The following RCSD1 variants were observed in gnomAD, a reference collection of about 807,000 sequenced individuals.
RCSD1 encodes capZ-interacting protein.
In RCSD1, 26 loss-of-function variants were observed where a neutral mutation model predicts 42.5. The ratio of observed to expected loss-of-function variants is 0.61; its 90% CI spans 0.45 to 0.85. RCSD1 has a LOEUF of 0.85. Among genes scored for constraint, RCSD1 ranks in the 40% least tolerant of loss-of-function variants. The probability of loss-of-function intolerance (pLI) is 0.00; values close to 1 mark genes in which losing one functional copy is unlikely to be tolerated. For synonymous variants in RCSD1, 220 were observed against 212.2 expected (o/e 1.04, Z -0.32); for missense variants, 571 against 528.3 (o/e 1.08, Z -0.79).
intron 1 of RCSD1, among the ~76,000 whole-genome samples, chr1:167,644,768 G>A (rs199826971): frequency 6.6e-6 from 1 of 152,160 alleles, no homozygotes; most frequent in Non-Finnish European, 1.5e-5. Flanking sequence ...GGTGGGATTC[G>A]GAGACTGCTA....
intron 6 of RCSD1, among the ~76,000 whole-genome samples, chr1:167,700,711 T>C (rs1659617414): frequency 6.6e-6 from 1 of 152,032 alleles, no homozygotes; most frequent in East Asian, 1.9e-4. Context: ...AAGCAATCTT[T>C]ACATTTAGGA....
intron 1 of RCSD1, 109 bp from the exon 2 acceptor site, chr1:167,683,791 A>T: frequency 9.6e-7 from 1 of 1,042,236 alleles, no homozygotes; most frequent in Non-Finnish European, 1.4e-6. Context: ...TAATGCTGTT[A>T]AAATACCTCA....
Position 167,694,206 on chromosome 1 carries a change from C to G in RCSD1, c.378C>G (p.Ser126Arg). Residue 126 changes from serine to arginine, a missense_variant, in exon 5 of 7, where the codon AGC (serine) becomes AGG (arginine). Transcript: ENST00000367854. ...TTCACAGCCCACCTTCTACCCCCAG[C>G]AGCCCTGGTGTGCGATCTAGGCCCA... is the stretch of plus-strand genomic sequence containing the variant. The part of the protein sequence containing the change: ...SPFHSPPSTP[S>R]SPGVRSRPSE... The G allele has an allele frequency of 6.2e-7, 1 of 1,614,248 alleles. No homozygotes were observed. Among genetic ancestry groups the G allele is most frequent in the Admixed American group, 1.7e-5 (1 of 60,038 alleles).
intron 6 of RCSD1, among the ~76,000 whole-genome samples, chr1:167,702,677 G>A (rs1181286667): frequency 6.6e-6 from 1 of 152,206 alleles, no homozygotes; most frequent in Non-Finnish European, 1.5e-5. Flanking sequence ...TATGCAGGAG[G>A]CTGAGGCAGG....
intron 1 of RCSD1, among the ~76,000 whole-genome samples, chr1:167,671,539 C>T (rs967961650): frequency 2.6e-5 from 4 of 152,208 alleles, no homozygotes; most frequent in Non-Finnish European, 5.9e-5. Flanking sequence ...GATCCAGACC[C>T]CACAAGAAGC....
intron 1 of RCSD1, among the ~76,000 whole-genome samples, chr1:167,676,957 T>A (rs1441926918): frequency 1.3e-5 from 2 of 152,180 alleles, no homozygotes; most frequent in Non-Finnish European, 2.9e-5. Flanking sequence ...TGTGGGTCCT[T>A]TGTGTGAGTG....
At chr1:167,690,177 A>T (rs564575711) in intron 4 of RCSD1, 57 bp downstream of exon 4, 1 of 1,555,570 alleles carries the variant, frequency 6.4e-7, no homozygotes, top group African/African-American at 1.4e-5. Context: ...CTTCTTATCC[A>T]AAATTTGCAT....
intron 1 of RCSD1, 80 bp downstream of exon 1, chr1:167,630,509 C>A: frequency 7.2e-7 from 1 of 1,384,200 alleles, no homozygotes; most frequent in South Asian, 1.6e-5. Context: ...GCTGCCCCTG[C>A]CCTGAGCATG....
At chr1:167,653,756 T>A (rs1571680255) in intron 1 of RCSD1, among the ~76,000 whole-genome samples, 1 of 151,772 alleles carries the variant, frequency 6.6e-6, no homozygotes, top group African/African-American at 2.4e-5. Context: ...AGGGGAGAGG[T>A]CCATGAAGGC....
In RCSD1 at chr1:167,704,879, A is replaced by G; in HGVS notation, c.*183A>G. On this transcript the variant is annotated 3_prime_UTR_variant, in exon 7 of 7. Transcript: ENST00000367854. ...CTCCACACCAAACGTTCCCTTGCAG[A>G]TGGAGACTGAATCTGAGGGCAGCAG... 1 of 573,162 alleles carries G rather than the reference A, an allele frequency of 1.7e-6. No individual in the cohort carries two copies. Among genetic ancestry groups the G allele is most frequent in the Non-Finnish European group, 3.2e-6 (1 of 316,558 alleles). 35.5% of individuals were successfully genotyped at this position (573,162 alleles called of 1,614,324 possible).
intron 1 of RCSD1, among the ~76,000 whole-genome samples, chr1:167,634,175 GC>G (rs1657772339): frequency 6.6e-6 from 1 of 152,170 alleles, no homozygotes; most frequent in Admixed American, 6.5e-5. Flanking sequence ...CTTCTGTGAA[GC>G]CCCCAGACTC....
intron 1 of RCSD1, among the ~76,000 whole-genome samples, chr1:167,648,518 G>A (rs78710242): frequency 6.6e-6 from 1 of 152,330 alleles, no homozygotes; most frequent in East Asian, 1.9e-4. Flanking sequence ...AGCCGGTTTA[G>A]CAAAGAGCCC....
At chr1:167,683,018 T>C (rs1659121921) in intron 1 of RCSD1, among the ~76,000 whole-genome samples, 1 of 152,196 alleles carries the variant, frequency 6.6e-6, no homozygotes, top group Non-Finnish European at 1.5e-5. Context: ...CCAGCATCAC[T>C]GACTTACTCT....
chr1:167,649,558 G>A (rs1311203025), intron 1 of RCSD1, among the ~76,000 whole-genome samples: 1 of 152,174 alleles, frequency 6.6e-6, no homozygotes, highest in Non-Finnish European at 1.5e-5. Flanking sequence ...TACATAACCA[G>A]ACTTGAATTT....
chr1:167,646,319 C>T (rs529398817), intron 1 of RCSD1, among the ~76,000 whole-genome samples: 2 of 151,962 alleles, frequency 1.3e-5, no homozygotes, highest in Admixed American at 6.6e-5. Context: ...TGGTGAGCAG[C>T]GGCTATAAGG....
intron 4 of RCSD1, among the ~76,000 whole-genome samples, chr1:167,691,510 C>T (rs529297748): frequency 6.6e-6 from 1 of 152,190 alleles, no homozygotes; most frequent in African/African-American, 2.4e-5. Flanking sequence ...CTGTTCTCAC[C>T]CCACCCTCTG....
intron 6 of RCSD1, among the ~76,000 whole-genome samples, chr1:167,701,240 C>T (rs955185306): frequency 6.7e-6 from 1 of 150,062 alleles, no homozygotes; most frequent in Non-Finnish European, 1.5e-5. Flanking sequence ...CGCCACTTAA[C>T]CCAATTGCCT....
chr1:167,666,137 C>T (rs750836570), intron 1 of RCSD1, among the ~76,000 whole-genome samples: 1 of 152,158 alleles, frequency 6.6e-6, no homozygotes, highest in Non-Finnish European at 1.5e-5. Context: ...AATCCCAAAA[C>T]GTAAACTCTC....
At position 167,668,508 on chromosome 1, in the gene RCSD1, T is replaced by G. The variant is rs554267511; in HGVS notation, c.7-15392T>G. 3.3e-4 allele frequency among the ~76,000 whole-genome samples: 51 copies of G among 152,274 alleles called. 1 individual carries two copies. Among genetic ancestry groups the G allele is most frequent in the Middle Eastern group, 6.8e-3 (2 of 294 alleles). ...TGTCACATCTTTGGGTCAGATTTTC[T>G]TGTCACCTGCTCTCCTAAAACCCTT... On this transcript the variant is annotated intron_variant, in intron 1 of 6. Coordinates refer to ENST00000367854, the MANE Select transcript of RCSD1 (RefSeq NM_052862.4).
Sources: allele counts gnomAD v4.1 joint callset (sites outside exome capture counted in the v4.1 genomes callset), GRCh38; gene constraint gnomAD v4.1.1; transcripts MANE v1.5; gene names NCBI Gene and HGNC (gene_info 2026-07-23, HGNC 2026-07-21).